Variants in COL6A6 observed in about 807,000 individuals in gnomAD.
COL6A6 encodes collagen alpha-6(VI) chain.
A neutral mutation model predicts 208.6 loss-of-function variants in COL6A6; 183 were observed. That is an observed-to-expected ratio of 0.88 (90% CI 0.78 to 0.99). COL6A6 has a LOEUF of 0.99. COL6A6 is among the 50% of genes least tolerant of loss of function. The pLI is 0.00. For missense variants in COL6A6, 2,816 were observed against 2,815.2 expected (o/e 1.00, Z -0.01); for synonymous variants, 973 against 1,011.8 (o/e 0.96, Z 0.73).
At chr3:130,608,997 A>G in intron 22 of COL6A6, 33 bp downstream of exon 22, 1 of 1,526,518 alleles carries the variant, frequency 6.6e-7, no homozygotes. Context: ...GTGTGAGAAC[A>G]TAAAGAAGAA....
intron 1 of COL6A6, among the ~76,000 whole-genome samples, chr3:130,542,898 C>CTTTTTTTT (rs56339748): frequency 4.3e-5 from 4 of 92,612 alleles, no homozygotes; most frequent in African/African-American, 1.2e-4. Context: ...TCCATTCACT[C>CTTTTTTTT]TTTTTTTTTT....
chr3:130,580,272 G>A lies in COL6A6; in HGVS notation c.3548-1289G>A, dbSNP rs182578336. Among the ~76,000 whole-genome samples, 179 of 152,224 alleles carry A rather than the reference G, an allele frequency of 1.2e-3. 1 individual carries two copies. The highest frequency in any genetic ancestry group is 3.6e-3 in the African/African-American group (150 of 41,534). ...GATATATTCTGCTTTTTTCTAAATA[G>A]TTTATCTTATTTTCTGATGAAGAAG... On this transcript the variant is annotated intron_variant, in intron 8 of 36. Coordinates refer to ENST00000358511, the MANE Select transcript of COL6A6 (RefSeq NM_001102608.3).
intron 1 of COL6A6, among the ~76,000 whole-genome samples, chr3:130,521,454 T>C (rs922754802): frequency 2.0e-5 from 3 of 152,224 alleles, no homozygotes; most frequent in Non-Finnish European, 2.9e-5. Context: ...TAAGCCAGCA[T>C]GTGTAGTTAA....
At chr3:130,593,792 G>T (rs1481354639) in intron 17 of COL6A6, among the ~76,000 whole-genome samples, 2 of 152,210 alleles carry the variant, frequency 1.3e-5, no homozygotes, top group African/African-American at 4.8e-5. Flanking sequence ...ACCATAGTAA[G>T]AATAGAAGTG....
At position 130,531,593 on chromosome 3, in the gene COL6A6, T is replaced by G. The variant is rs1008094281; in HGVS notation, c.-32+14196T>G. Among the ~76,000 whole-genome samples the G allele has an allele frequency of 2.0e-5, 3 of 152,352 alleles. No homozygotes were observed. In the South Asian group the frequency reaches 6.2e-4, roughly 32 times the overall value. ...ACTATCAAAGGTGGCTCTAATAACC[T>G]GCCTCCCCCTTGAGCTTCTGCTCTC... On this transcript the variant is annotated intron_variant, in intron 1 of 36. Transcript: ENST00000358511.
At chr3:130,527,715 C>T (rs2061989305) in intron 1 of COL6A6, among the ~76,000 whole-genome samples, 1 of 152,148 alleles carries the variant, frequency 6.6e-6, no homozygotes, top group Non-Finnish European at 1.5e-5. Flanking sequence ...TTTACCAAAG[C>T]ACTTCATAGT....
At chr3:130,649,692 T>A in intron 33 of COL6A6, 130 bp downstream of exon 33, 1 of 919,960 alleles carries the variant, frequency 1.1e-6, no homozygotes, top group Non-Finnish European at 1.6e-6. Context: ...ATTGGCAGAG[T>A]AGAATAAGTA....
At chr3:130,605,448 A>G (rs1179704222) in intron 20 of COL6A6, among the ~76,000 whole-genome samples, 2 of 151,792 alleles carry the variant, frequency 1.3e-5, no homozygotes, top group Non-Finnish European at 2.9e-5. Flanking sequence ...TATATTTTTC[A>G]AATGAAAATA....
chr3:130,669,406 T>C (rs1414977106), intron 36 of COL6A6, among the ~76,000 whole-genome samples: 1 of 151,266 alleles, frequency 6.6e-6, no homozygotes, highest in Middle Eastern at 3.2e-3. Flanking sequence ...AAAATATATA[T>C]ATAAATAAAA....
At chr3:130,581,476 C>T in intron 8 of COL6A6, 85 bp from the exon 9 acceptor site, 1 of 948,240 alleles carries the variant, frequency 1.1e-6, no homozygotes, top group South Asian at 1.9e-5. Context: ...AATAGAATTC[C>T]AAGTCCCTTG....
At chr3:130,670,311 G>C (rs2066180302) in intron 36 of COL6A6, among the ~76,000 whole-genome samples, 2 of 152,216 alleles carry the variant, frequency 1.3e-5, no homozygotes, top group South Asian at 4.1e-4. Flanking sequence ...TGTTAAAGCA[G>C]TGTTTTCACC....
At position 130,566,605 on chromosome 3, in the gene COL6A6, G is replaced by C. The variant is rs528330159; in HGVS notation, c.1283-97G>C. On this transcript the variant is annotated intron_variant, in intron 4 of 36. Transcript: ENST00000358511. The stretch of plus-strand genomic sequence containing the variant: ...CCTAGAAGCTGTTTCCCATTTTTCT[G>C]TCTGAAGAGGTTCATATTTGTTCTT... 1.2e-5 allele frequency: 12 copies of C among 1,000,244 alleles called. No individual in the cohort carries two copies. In the East Asian group the frequency reaches 2.4e-4, roughly 20 times the overall value. 62.0% of individuals were successfully genotyped at this position (1,000,244 alleles called of 1,614,324 possible). A position where few individuals can be genotyped will look rare whatever the true frequency, so the allele number is the denominator to read the frequency against.
intron 20 of COL6A6, among the ~76,000 whole-genome samples, chr3:130,606,698 C>A (rs992404821): frequency 6.6e-6 from 1 of 152,156 alleles, no homozygotes; most frequent in African/African-American, 2.4e-5. Flanking sequence ...TTTCAATTGT[C>A]TATTATTTCT....
At chr3:130,609,020 A>G in intron 22 of COL6A6, 56 bp downstream of exon 22, 1 of 1,324,760 alleles carries the variant, frequency 7.5e-7, no homozygotes, top group South Asian at 1.2e-5. Context: ...TGGGAATGGA[A>G]AAATCTGAGG....
intron 1 of COL6A6, among the ~76,000 whole-genome samples, chr3:130,531,061 GTCTCTCTCTC>G (rs10662894): frequency 1.5e-4 from 21 of 136,658 alleles, no homozygotes; most frequent in East Asian, 4.5e-4. Flanking sequence ...CACACACACA[GTCTCTCTCTC>G]TCTCTCTCTC....
In COL6A6 at chr3:130,634,608, G is replaced by A; in HGVS notation, c.5011G>A (p.Gly1671Arg). 6.2e-7 allele frequency: 1 copy of A among 1,607,556 alleles called. No homozygotes were observed. The highest frequency in any genetic ancestry group is 8.5e-7 in the Non-Finnish European group (1 of 1,176,668). Residue 1671 changes from glycine to arginine, a missense_variant, in exon 27 of 37, where the codon GGA becomes AGA. By Grantham distance (125) the Gly-to-Arg change is moderately radical (BLOSUM62 -2). Coordinates refer to ENST00000358511, the MANE Select transcript of COL6A6 (RefSeq NM_001102608.3). ...ATTACAGGGACAAGAAGGATTCCCT[G>A]GAGAAAGTGGACCTAAGGTACCGTG... is the stretch of plus-strand genomic sequence containing the variant. Reference protein sequence around the residue: ...KGAKGQEGFPGESGPKGEIGD... With the variant: ...KGAKGQEGFPRESGPKGEIGD...
At chr3:130,553,897 C>T (rs1040319070) in intron 1 of COL6A6, among the ~76,000 whole-genome samples, 1 of 150,022 alleles carries the variant, frequency 6.7e-6, no homozygotes, top group Non-Finnish European at 1.5e-5. Flanking sequence ...CTTTGATGTC[C>T]TTGGGAGTTT....
intron 26 of COL6A6, among the ~76,000 whole-genome samples, 176 bp downstream of exon 26, chr3:130,627,545 G>A (rs145594209): frequency 1.3e-5 from 2 of 152,334 alleles, no homozygotes; most frequent in East Asian, 1.9e-4. Context: ...AAAAGAATGT[G>A]ATGGTTTAAG....
At chr3:130,561,419 A>G (rs2062879381) in intron 2 of COL6A6, among the ~76,000 whole-genome samples, 1 of 152,222 alleles carries the variant, frequency 6.6e-6, no homozygotes, top group Non-Finnish European at 1.5e-5. Flanking sequence ...TGGGTTATTT[A>G]AAAGACAAGA....
Sources: gnomAD v4.1 joint callset for allele counts (sites outside exome capture counted in the v4.1 genomes callset) on GRCh38, gnomAD v4.1.1 for gene constraint, MANE v1.5 for transcripts, NCBI Gene and HGNC (gene_info 2026-07-23, HGNC 2026-07-21) for gene names.